Variants in KIF13A observed in about 807,000 individuals in gnomAD.
KIF13A encodes the protein kinesin family member 13A.
A neutral mutation model predicts 212.2 loss-of-function variants in KIF13A; 79 were observed. The ratio of observed to expected loss-of-function variants is 0.37; its 90% CI spans 0.31 to 0.45. The LOEUF is 0.45. KIF13A is among the 20% of genes least tolerant of loss of function. KIF13A has a pLI of 1.00. For missense variants in KIF13A, 1,901 were observed against 2,209.0 expected, an observed-to-expected ratio of 0.86 and a Z score of 2.79; for synonymous variants, 789 against 808.6, an observed-to-expected ratio of 0.98 and a Z score of 0.41.
intron 31 of KIF13A, among the ~76,000 whole-genome samples, chr6:17,780,372 A>T (rs1261374244): frequency 6.6e-6 from 1 of 152,216 alleles, no homozygotes; most frequent in East Asian, 1.9e-4. Context: ...AAGCAGTAGG[A>T]TAGGGATTTG....
intron 2 of KIF13A, chr6:17,953,817 G>T (rs928098679): frequency 5.6e-6 from 1 of 177,480 alleles, no homozygotes; most frequent in East Asian, 1.2e-4. Context: ...GTAGGCTTCT[G>T]TAAAACTGAC....
chr6:17,958,116 C>T (rs114678758), intron 2 of KIF13A, among the ~76,000 whole-genome samples: 2,127 of 152,264 alleles, frequency 0.014, 62 homozygotes, highest in African/African-American at 0.048. Flanking sequence ...AATAGACACC[C>T]GCCTTTACAA....
At chr6:17,780,928 G>T in intron 30 of KIF13A, 22 bp from the exon 31 acceptor site, 2 of 1,605,362 alleles carry the variant, frequency 1.2e-6, no homozygotes, top group Non-Finnish European at 8.5e-7. Context: ...GGAATGATGA[G>T]GAGATGGAAA....
chr6:17,839,985 G>A lies in KIF13A; in HGVS notation c.831-2402C>T, dbSNP rs976390276. On this transcript the variant is annotated intron_variant, in intron 9 of 38. Transcript: ENST00000259711. This position sits in a 1 kb window ranked among gnomAD's most constrained non-coding sequence, Gnocchi z 4.3. ...ATCTGTTACAGTAGCAATAGCAATC[G>A]AACACAGCCATATACTGTATGATTC... Among the ~76,000 whole-genome samples the A allele has an allele frequency of 6.6e-6, 1 of 152,108 alleles. No homozygotes were observed. Among genetic ancestry groups the A allele is most frequent in the Non-Finnish European group, 1.5e-5 (1 of 68,032 alleles).
intron 2 of KIF13A, among the ~76,000 whole-genome samples, chr6:17,931,946 T>C (rs1776020046): frequency 6.6e-6 from 1 of 152,226 alleles, no homozygotes; most frequent in African/African-American, 2.4e-5. Context: ...TCTATGCTTC[T>C]GTTCCCCACA....
chr6:17,842,502 C>T (rs1381539160), intron 9 of KIF13A, among the ~76,000 whole-genome samples: 2 of 152,172 alleles, frequency 1.3e-5, no homozygotes, highest in Non-Finnish European at 2.9e-5. Flanking sequence ...AAGGGAACAG[C>T]TGTTTGCCAA....
rs1307268436 is a variant in KIF13A, at chr6:17,816,757, T to C, written c.2000+263A>G. On this transcript the variant is annotated intron_variant, in intron 17 of 38. Coordinates refer to ENST00000259711, the MANE Select transcript of KIF13A (RefSeq NM_022113.6). The surrounding 1 kb of genome is among the most constrained non-coding windows in gnomAD (Gnocchi z 4.3). ...AACTTTCTAAATTTCAATACATACC[T>C]GTCTAACCCTTGCAACTTGGCACCA... Among the ~76,000 whole-genome samples, 1 of 152,246 alleles carries C rather than the reference T, an allele frequency of 6.6e-6. No homozygotes were observed. The highest frequency in any genetic ancestry group is 1.5e-5 in the Non-Finnish European group (1 of 68,052).
At chr6:17,972,201 T>G (rs948684906) in intron 2 of KIF13A, among the ~76,000 whole-genome samples, 2 of 152,238 alleles carry the variant, frequency 1.3e-5, no homozygotes, top group African/African-American at 2.4e-5. Context: ...CCTTCCCCAC[T>G]ACTATCCTCC....
At chr6:17,781,136 C>A in intron 30 of KIF13A, 41 bp downstream of exon 30, 1 of 1,612,082 alleles carries the variant, frequency 6.2e-7, no homozygotes, top group Non-Finnish European at 8.5e-7. Flanking sequence ...GCCTTGTGTG[C>A]TAATCTGAAG....
intron 12 of KIF13A, 28 bp downstream of exon 12, chr6:17,833,933 A>G: frequency 8.1e-7 from 1 of 1,234,076 alleles, no homozygotes; most frequent in Non-Finnish European, 1.1e-6. Flanking sequence ...AAGAATCCCA[A>G]TATTTTAGGG....
rs150133146 is a variant in KIF13A at position 17,923,761 on chromosome 6, C to T, written c.147-25581G>A. Among the ~76,000 whole-genome samples, 426 of 152,322 alleles carry T rather than the reference C, an allele frequency of 2.8e-3. 3 individuals are homozygous for T. Among genetic ancestry groups the T allele is most frequent in the African/African-American group, 9.9e-3 (413 of 41,562 alleles). On this transcript the variant is annotated intron_variant, in intron 2 of 38. Transcript: ENST00000259711. Reference sequence around the variant, plus strand: ...AGCTTTTTAGCCCTTTCTCAATTTCCTCTAAGTCTTCAATCACCTTTTCAC... The same window carrying T: ...AGCTTTTTAGCCCTTTCTCAATTTCTTCTAAGTCTTCAATCACCTTTTCAC...
chr6:17,848,518 A>G (rs1486155718), intron 9 of KIF13A, among the ~76,000 whole-genome samples: 1 of 151,418 alleles, frequency 6.6e-6, no homozygotes, highest in South Asian at 2.1e-4. Flanking sequence ...TTTTTGAGCA[A>G]GCTGCACCAT....
At chr6:17,815,714 A>C (rs1040995858) in intron 17 of KIF13A, 8 of 322,108 alleles carry the variant, frequency 2.5e-5, no homozygotes, top group Admixed American at 1.8e-4. Context: ...TTCATATATA[A>C]TCATATCTAT....
intron 2 of KIF13A, among the ~76,000 whole-genome samples, chr6:17,933,442 C>A (rs979036682): frequency 7.2e-6 from 1 of 139,530 alleles, no homozygotes; most frequent in African/African-American, 2.6e-5. Flanking sequence ...CAAGGTCTCA[C>A]TATGTTGCCC....
In KIF13A at chr6:17,787,941, T is replaced by A; in HGVS notation, c.3262-66A>T. The A allele has an allele frequency of 3.3e-6, 3 of 921,484 alleles. No homozygotes were observed. The highest frequency in any genetic ancestry group is 5.2e-6 in the Non-Finnish European group (3 of 572,414). 57.1% of individuals were successfully genotyped at this position (921,484 alleles called of 1,614,324 possible). A position where few individuals can be genotyped will look rare whatever the true frequency, so the allele number is the denominator to read the frequency against. ...AGACAACGATTTCTTTCTTTCTTTT[T>A]TTAAAAGATGTTTAAATCAACTAGG... On this transcript the variant is annotated intron_variant, in intron 26 of 38. Coordinates refer to ENST00000259711, the MANE Select transcript of KIF13A (RefSeq NM_022113.6). This position sits in a 1 kb window ranked among gnomAD's most constrained non-coding sequence, Gnocchi z 4.6.
At chr6:17,964,910 A>C (rs12210512) in intron 2 of KIF13A, among the ~76,000 whole-genome samples, 33,365 of 149,204 alleles carry the variant, frequency 0.22, 4,178 homozygotes, top group African/African-American at 0.36. Context: ...GCAACCTCTG[A>C]CTCCCTGGTT....
intron 2 of KIF13A, among the ~76,000 whole-genome samples, chr6:17,986,573 C>T (rs1409561839): frequency 6.6e-6 from 1 of 152,228 alleles, no homozygotes; most frequent in Non-Finnish European, 1.5e-5. Context: ...TCGTACAAGA[C>T]TTTTGCTTTA....
rs1211548400 is a variant in KIF13A at position 17,918,867 on chromosome 6, G to A, written c.147-20687C>T. Among the ~76,000 whole-genome samples, 3 of 152,048 alleles carry A rather than the reference G, an allele frequency of 2.0e-5. No homozygotes were observed. Among genetic ancestry groups the A allele is most frequent in the South Asian group, 2.1e-4 (1 of 4,822 alleles). On this transcript the variant is annotated intron_variant, in intron 2 of 38. Coordinates refer to ENST00000259711, the MANE Select transcript of KIF13A (RefSeq NM_022113.6). The surrounding 1 kb of genome is among the most constrained non-coding windows in gnomAD (Gnocchi z 4.8). ...CTTTGTTTCCTTCTCAGCACCTTTC[G>A]CCATGTTAAACCATTTCATTATTTA...
At chr6:17,860,112 A>C (rs1768597499) in intron 4 of KIF13A, among the ~76,000 whole-genome samples, 10 of 152,132 alleles carry the variant, frequency 6.6e-5, no homozygotes, top group Admixed American at 6.5e-4. Flanking sequence ...GCTGCATGAC[A>C]CTGGCAATCA....
Sources: gnomAD v4.1 joint callset for allele counts (sites outside exome capture counted in the v4.1 genomes callset) on GRCh38, gnomAD v4.1.1 for gene constraint, Gnocchi (gnomAD v3.1) non-coding constraint, MANE v1.5 for transcripts, NCBI Gene and HGNC (gene_info 2026-07-23, HGNC 2026-07-21) for gene names.